The following PACRG variants were observed in gnomAD, a reference collection of about 807,000 sequenced individuals.
The protein encoded by PACRG is parkin coregulated.
A neutral mutation model predicts 29.7 loss-of-function variants in PACRG; 29 were observed. The observed-to-expected ratio is 0.98, with a 90% confidence interval of 0.73 to 1.33. The LOEUF (loss-of-function observed/expected upper bound fraction) is 1.33, where lower values mean the gene tolerates loss of function less well. Ranked by LOEUF, PACRG falls within the 40% of genes most tolerant of loss-of-function variation. The pLI is 0.00. For missense variants in PACRG, 279 were observed against 316.2 expected (o/e 0.88, Z 0.89); for synonymous variants, 116 against 118.7 (o/e 0.98, Z 0.15).
At chr6:163,296,584 C>T (rs1784785644) in intron 4 of PACRG, among the ~76,000 whole-genome samples, 1 of 152,240 alleles carries the variant, frequency 6.6e-6, no homozygotes, top group African/African-American at 2.4e-5. Context: ...GCGTGAGCCA[C>T]TGCGCCCAGC....
intron 2 of PACRG, among the ~76,000 whole-genome samples, chr6:162,946,851 A>C (rs1006223749): frequency 6.6e-6 from 1 of 152,148 alleles, no homozygotes; most frequent in Non-Finnish European, 1.5e-5. Context: ...TGATACATCA[A>C]ATCAACAGAG....
At chr6:162,847,123 C>T (rs549900246) in intron 2 of PACRG, among the ~76,000 whole-genome samples, 1 of 152,174 alleles carries the variant, frequency 6.6e-6, no homozygotes, top group South Asian at 2.1e-4. Context: ...GTGCTCCCCA[C>T]ACTGTGATGC....
At chr6:163,149,154 C>T (rs1021009536) in intron 4 of PACRG, among the ~76,000 whole-genome samples, 1 of 152,078 alleles carries the variant, frequency 6.6e-6, no homozygotes, top group Non-Finnish European at 1.5e-5. Flanking sequence ...TCCCGCAGAC[C>T]GAACCCTCGC....
intron 2 of PACRG, among the ~76,000 whole-genome samples, chr6:162,919,478 C>A (rs1299603176): frequency 1.3e-5 from 2 of 152,110 alleles, no homozygotes; most frequent in Non-Finnish European, 2.9e-5. Context: ...TAGCACCATG[C>A]AAAATGGAAT....
intron 2 of PACRG, among the ~76,000 whole-genome samples, chr6:163,006,723 C>A (rs1319556992): frequency 6.6e-6 from 1 of 151,910 alleles, no homozygotes; most frequent in East Asian, 1.9e-4. Context: ...TTTCTGTACT[C>A]TGAAAACTAC....
chr6:162,804,170 G>A (rs532850744), intron 1 of PACRG, among the ~76,000 whole-genome samples: 3 of 152,280 alleles, frequency 2.0e-5, no homozygotes, highest in East Asian at 3.9e-4. Flanking sequence ...TTAATAGGTG[G>A]TAGGATTACA....
intron 4 of PACRG, among the ~76,000 whole-genome samples, chr6:163,181,867 A>T (rs182033015): frequency 3.3e-4 from 51 of 152,266 alleles, no homozygotes; most frequent in Admixed American, 1.3e-3. Context: ...GCGCTCTGTC[A>T]AGTTGCTGAT....
chr6:162,912,927 A>G (rs922825771), intron 2 of PACRG, among the ~76,000 whole-genome samples: 4 of 151,704 alleles, frequency 2.6e-5, no homozygotes, highest in Admixed American at 6.6e-5. Context: ...ACAAACAAAA[A>G]AAAAAAAAAC....
chr6:162,781,854 G>A (rs1220161230), intron 1 of PACRG, among the ~76,000 whole-genome samples: 1 of 150,954 alleles, frequency 6.6e-6, no homozygotes, highest in Non-Finnish European at 1.5e-5. Context: ...GGAGAGAAAA[G>A]GAACAAAGAA....
intron 4 of PACRG, among the ~76,000 whole-genome samples, chr6:163,301,605 T>C (rs1342991329): frequency 6.6e-6 from 1 of 152,174 alleles, no homozygotes; most frequent in Non-Finnish European, 1.5e-5. Flanking sequence ...GTGTTGCTCC[T>C]TTGTGAGGTT....
intron 2 of PACRG, among the ~76,000 whole-genome samples, chr6:163,008,569 G>GT (rs1471845958): frequency 6.6e-6 from 1 of 150,966 alleles, no homozygotes; most frequent in Non-Finnish European, 1.5e-5. Flanking sequence ...TTTGTGTCAA[G>GT]TTTTAAGAAA....
intron 4 of PACRG, among the ~76,000 whole-genome samples, chr6:163,239,640 G>C (rs116350397): frequency 0.077 from 11,510 of 149,264 alleles, 948 homozygotes; most frequent in East Asian, 0.19. Flanking sequence ...TGCTCCCACG[G>C]CTGCCCCAAC....
intron 4 of PACRG, among the ~76,000 whole-genome samples, chr6:163,281,472 G>A (rs915702738): frequency 2.6e-5 from 4 of 152,008 alleles, no homozygotes; most frequent in Non-Finnish European, 4.4e-5. Flanking sequence ...AAAATACATT[G>A]GACAGTAAGG....
chr6:163,290,276 GCGCA>G lies in PACRG; in HGVS notation c.614-24549_614-24546del, dbSNP rs1455519448. ...CACATGTGCGCATGCACGCGCGCGC[GCGCA>G]CACACACACACACACACACACACAC... On this transcript the variant is annotated intron_variant, in intron 4 of 4. Coordinates refer to ENST00000366888, the MANE Select transcript of PACRG (RefSeq NM_001080379.2). Among the ~76,000 whole-genome samples the G allele has an allele frequency of 5.1e-3, 646 of 127,664 alleles. 6 individuals carry two copies. Among genetic ancestry groups the G allele is most frequent in the African/African-American group, 0.019 (577 of 30,724 alleles). The allele number at this position is 127,664 out of a possible 152,430, so 83.8% of individuals were successfully genotyped here.
intron 2 of PACRG, chr6:163,052,112 C>G (rs1810075772): frequency 1.3e-5 from 2 of 152,082 alleles, no homozygotes; most frequent in Admixed American, 1.3e-4. Flanking sequence ...AATAGTACAT[C>G]TACTTGTAAA....
At chr6:163,102,638 A>G (rs755168489) in intron 4 of PACRG, among the ~76,000 whole-genome samples, 13 of 152,206 alleles carry the variant, frequency 8.5e-5, no homozygotes, top group African/African-American at 1.2e-4. Flanking sequence ...CCACGTGATG[A>G]TATGTATATC....
chr6:162,803,654 T>A (rs1786069415), intron 1 of PACRG, among the ~76,000 whole-genome samples: 1 of 152,166 alleles, frequency 6.6e-6, no homozygotes. Context: ...TATTCCAGTA[T>A]AAAGATCTCA....
In PACRG at chr6:162,909,220, G is replaced by A. The variant is rs115679364; in HGVS notation, c.291+94939G>A. Among the ~76,000 whole-genome samples the A allele has an allele frequency of 1.3e-3, 198 of 152,016 alleles. 1 individual carries two copies. The highest frequency in any genetic ancestry group is 4.1e-3 in the African/African-American group (169 of 41,452). ...CAAAGGCTTTTCCCAAGTTATTTCC[G>A]TCTGGAAGTCCTTCCATACCGTTGT... On this transcript the variant is annotated intron_variant, in intron 2 of 4. Transcript: ENST00000366888.
chr6:162,819,772 A>G (rs1787683115), intron 2 of PACRG, among the ~76,000 whole-genome samples: 1 of 152,224 alleles, frequency 6.6e-6, no homozygotes, highest in South Asian at 2.1e-4. Flanking sequence ...AGTGACAACA[A>G]TATACCAGGT....
Sources: allele counts gnomAD v4.1 joint callset (sites outside exome capture counted in the v4.1 genomes callset), GRCh38; gene constraint gnomAD v4.1.1; transcripts MANE v1.5; gene names NCBI Gene and HGNC (gene_info 2026-07-23, HGNC 2026-07-21).